CDHR3: variants seen among roughly 807,000 people sequenced by gnomAD.
CDHR3 encodes cadherin-related family member 3.
CDHR3 carries 79 observed loss-of-function variants against 86.6 expected under a neutral mutation model. The ratio of observed to expected loss-of-function variants is 0.91; its 90% confidence interval spans 0.76 to 1.10. The LOEUF is 1.10. Ranked by LOEUF, CDHR3 falls within the 50% of genes least tolerant of loss-of-function variation. The pLI, the probability that CDHR3 is intolerant of heterozygous loss-of-function variation, is 0.00. For synonymous variants in CDHR3, 421 were observed against 402.4 expected (o/e 1.05, Z -0.55); for missense variants, 1,081 against 1,077.6 (o/e 1.00, Z -0.04).
chr7:106,015,880 GA>G lies in CDHR3; in HGVS notation c.1328-46del, dbSNP rs1192580362. On this transcript the variant is annotated intron_variant, in intron 10 of 18. Coordinates refer to ENST00000317716, the MANE Select transcript of CDHR3 (RefSeq NM_152750.5). ...TTTAAAGATGTTGAATAAACAAATG[GA>G]TGAGTATGGATTTGTGATTAAATGT... The G allele has an allele frequency of 4.7e-6, 6 of 1,277,774 alleles. No individual in the cohort carries two copies. In the African/African-American group the frequency reaches 8.7e-5, roughly 19 times the overall value. The allele number at this position is 1,277,774 out of a possible 1,614,324, so 79.2% of individuals were successfully genotyped here.
Position 105,974,889 on chromosome 7 carries a change from T to C in CDHR3, c.92T>C (p.Val31Ala), listed in dbSNP as rs1198341978. The change falls in exon 2 of 19, where the codon GTG becomes GCG. Residue 31 changes from valine (V) to alanine (A), a missense_variant. Val to Ala is a moderately conservative substitution (Grantham distance 64). Coordinates refer to ENST00000317716, the MANE Select transcript of CDHR3 (RefSeq NM_152750.5). ...HLILLPATGNVAENSPPGTSV... is the reference protein window; with the variant it reads ...HLILLPATGNAAENSPPGTSV... ...ATCCTCTTACCTGCTACAGGCAATG[T>C]GGCAGAGAATTCTCCACCTGGGACT... is the stretch of plus-strand genomic sequence containing the variant. 6.2e-7 allele frequency: 1 copy of C among 1,613,722 alleles called. No homozygotes were observed. Among genetic ancestry groups the C allele is most frequent in the Non-Finnish European group, 8.5e-7 (1 of 1,179,752 alleles).
rs190674383 is a variant in CDHR3 at position 106,017,784 on chromosome 7, C to T, written c.1427-62C>T. The T allele has an allele frequency of 6.6e-6, 9 of 1,367,252 alleles. No homozygotes were observed. The East Asian group carries it at 2.0e-4, about 31-fold the overall frequency. The allele number at this position is 1,367,252 out of a possible 1,614,324, so 84.7% of individuals were successfully genotyped here. A position where few individuals can be genotyped will look rare whatever the true frequency, so the allele number is the denominator to read the frequency against. Reference sequence around the variant, plus strand: ...TACCATGGCAGTTAGGACATCTGTTCCTGAATCATCCTTCTCTACCCCTTA... The same window carrying T: ...TACCATGGCAGTTAGGACATCTGTTTCTGAATCATCCTTCTCTACCCCTTA... On this transcript the variant is annotated intron_variant, in intron 11 of 18. Coordinates refer to ENST00000317716, the MANE Select transcript of CDHR3 (RefSeq NM_152750.5).
At chr7:106,024,737 G>A (rs1359599402) in intron 15 of CDHR3, among the ~76,000 whole-genome samples, 175 bp downstream of exon 15, 1 of 152,188 alleles carries the variant, frequency 6.6e-6, no homozygotes, top group Non-Finnish European at 1.5e-5. Flanking sequence ...CGGTCCTGGT[G>A]CACTTTCTTT....
intron 9 of CDHR3, 88 bp from the exon 10 acceptor site, chr7:106,015,023 T>C: frequency 2.9e-6 from 3 of 1,032,380 alleles, no homozygotes; most frequent in South Asian, 3.4e-5. Flanking sequence ...AATTTATATA[T>C]CCACTAGCAG....
intron 12 of CDHR3, among the ~76,000 whole-genome samples, chr7:106,019,998 C>T (rs759984132): frequency 9.2e-5 from 14 of 152,136 alleles, no homozygotes; most frequent in Non-Finnish European, 1.8e-4. Flanking sequence ...AAAAACAACT[C>T]GGTGTCATCT....
At chr7:105,972,620 G>T (rs1181167917) in intron 1 of CDHR3, among the ~76,000 whole-genome samples, 1 of 152,152 alleles carries the variant, frequency 6.6e-6, no homozygotes, top group East Asian at 1.9e-4. Flanking sequence ...AAGCAATAGA[G>T]TATTTTGCTC....
chr7:106,032,308 C>A, intron 18 of CDHR3, 85 bp from the exon 19 acceptor site: 1 of 1,320,000 alleles, frequency 7.6e-7, no homozygotes, highest in Non-Finnish European at 1.0e-6. Context: ...CCTTGGGAGT[C>A]AGAACAGAGC....
At chr7:105,996,411 C>A (rs1451593478) in intron 6 of CDHR3, 57 bp downstream of exon 6, 2 of 934,800 alleles carry the variant, frequency 2.1e-6, no homozygotes, top group Admixed American at 2.0e-5. Flanking sequence ...TCTTAGGCGG[C>A]CTCGTCTCCT....
chr7:105,983,390 G>A (rs1407319940), intron 3 of CDHR3, among the ~76,000 whole-genome samples: 1 of 152,186 alleles, frequency 6.6e-6, no homozygotes, highest in Non-Finnish European at 1.5e-5. Flanking sequence ...CTGAGTCTCA[G>A]TGTTCTCATT....
chr7:106,022,136 ACCT>A, intron 13 of CDHR3, 59 bp from the exon 14 acceptor site: 1 of 1,589,486 alleles, frequency 6.3e-7, no homozygotes. Context: ...TTTCTTCTAA[ACCT>A]TTATTTCTTA....
chr7:105,971,957 C>G (rs1167299640), intron 1 of CDHR3, among the ~76,000 whole-genome samples: 2 of 152,186 alleles, frequency 1.3e-5, no homozygotes, highest in African/African-American at 4.8e-5. Context: ...CCCAGGGTGA[C>G]TGAATAACTA....
rs1172681777 is a variant in CDHR3 at position 106,034,505 on chromosome 7, C to T, written c.*1808C>T. ...ACTTCTCAAGCAAAAGAAGCATTTG[C>T]AAAATGCCTGTCCTGGCCTAGATTG... On this transcript the variant is annotated 3_prime_UTR_variant, in exon 19 of 19. Coordinates refer to ENST00000317716, the MANE Select transcript of CDHR3 (RefSeq NM_152750.5). Among the ~76,000 whole-genome samples the T allele has an allele frequency of 1.3e-5, 2 of 152,196 alleles. No homozygotes were observed. The highest frequency in any genetic ancestry group is 2.9e-5 in the Non-Finnish European group (2 of 68,042).
Position 106,017,883 on chromosome 7 carries a change from A to T in CDHR3, c.1464A>T (p.Lys488Asn). 1 of 1,601,628 alleles carries T rather than the reference A, an allele frequency of 6.2e-7. No homozygotes were observed. The highest frequency in any genetic ancestry group is 8.5e-7 in the Non-Finnish European group (1 of 1,174,026). ...TRVGQVRATD[K>N]DLPQSSLLYS... Reference sequence around the variant, plus strand: ...TGGGACAGGTGCGAGCCACTGATAAAGACCTCCCCCAGAGCAGCCTCCTGT... The same window carrying T: ...TGGGACAGGTGCGAGCCACTGATAATGACCTCCCCCAGAGCAGCCTCCTGT... Residue 488 changes from lysine to asparagine, a missense_variant, in exon 12 of 19, where the codon AAA becomes AAT. Physicochemically the swap from Lys to Asn is moderately conservative, Grantham distance 94 (BLOSUM62 0). Coordinates refer to ENST00000317716, the MANE Select transcript of CDHR3 (RefSeq NM_152750.5).
intron 5 of CDHR3, 70 bp downstream of exon 5, chr7:105,994,915 CA>C: frequency 7.9e-7 from 1 of 1,271,070 alleles, no homozygotes; most frequent in Non-Finnish European, 1.1e-6. Context: ...AGGGATAGGT[CA>C]CAGTGCAACC....
intron 1 of CDHR3, among the ~76,000 whole-genome samples, chr7:105,968,245 G>A (rs1827294437): frequency 1.3e-5 from 2 of 152,134 alleles, no homozygotes; most frequent in African/African-American, 4.8e-5. Flanking sequence ...TCAGGAAGAG[G>A]TATATATTGT....
rs1369285565 is a variant in CDHR3, at chr7:106,030,587, T to C, written c.2305-205T>C. ...CCTTATTACTCTGCATTGCAGCACC[T>C]GTTTGTAATTGGCAAGCTTTGTACA... is the stretch of plus-strand genomic sequence containing the variant. On this transcript the variant is annotated intron_variant, in intron 17 of 18. Transcript: ENST00000317716. The surrounding 1 kb of genome is among the most constrained non-coding windows in gnomAD (Gnocchi z 4.8). Among the ~76,000 whole-genome samples the C allele has an allele frequency of 1.3e-5, 2 of 152,216 alleles. No individual in the cohort carries two copies.
chr7:105,996,434 A>G (rs1300126882), intron 6 of CDHR3, 80 bp downstream of exon 6: 2 of 736,932 alleles, frequency 2.7e-6, no homozygotes, highest in Non-Finnish European at 4.7e-6. Flanking sequence ...GGCACATTTA[A>G]TACAAGGCAG....
Position 106,032,398 on chromosome 7 carries a change from G to A in CDHR3, c.2359G>A (p.Gly787Arg), listed in dbSNP as rs368743207. ...FDGEAIDPVT[G>R]ETYEFNSKTG... ...TTGTATTTTTTTTTCACTAGTGACC[G>A]GGGAAACATATGAATTCAACTCAAA... Residue 787 changes from glycine to arginine, a missense_variant, in exon 19 of 19, where the codon GGG becomes AGG. Coordinates refer to ENST00000317716, the MANE Select transcript of CDHR3 (RefSeq NM_152750.5). 84 of 1,603,712 alleles carry A rather than the reference G, an allele frequency of 5.2e-5. No homozygotes were observed. Among genetic ancestry groups the A allele is most frequent in the Admixed American group, 1.4e-4 (8 of 58,818 alleles).
At chr7:105,991,690 G>A (rs900562195) in intron 4 of CDHR3, among the ~76,000 whole-genome samples, 1 of 152,160 alleles carries the variant, frequency 6.6e-6, no homozygotes, top group Non-Finnish European at 1.5e-5. Context: ...TTACTAAGAT[G>A]GGAAATGAAC....
Sources: allele counts gnomAD v4.1 joint callset (sites outside exome capture counted in the v4.1 genomes callset), GRCh38; gene constraint gnomAD v4.1.1; non-coding constraint Gnocchi (gnomAD v3.1); transcripts MANE v1.5; gene names NCBI Gene and HGNC (gene_info 2026-07-23, HGNC 2026-07-21).